KANSL1: variants seen among roughly 807,000 people sequenced by gnomAD.
KANSL1 encodes the protein MLL1/MLL complex subunit KANSL1.
KANSL1 carries 22 observed loss-of-function variants against 103.6 expected under a neutral mutation model. That is an observed-to-expected ratio of 0.21 (90% CI 0.15 to 0.30). KANSL1 has a LOEUF of 0.30. Among genes scored for constraint, KANSL1 ranks in the 10% least tolerant of loss-of-function variants. KANSL1 has a pLI of 1.00. For missense variants in KANSL1, 1,337 were observed against 1,399.8 expected (o/e 0.96, Z 0.72); for synonymous variants, 600 against 527.6 (o/e 1.14, Z -1.88).
In KANSL1 at chr17:46,208,917, T is replaced by C. The variant is rs1462902974; in HGVS notation, c.-90+14754A>G. Among the ~76,000 whole-genome samples, 4 of 150,774 alleles carry C rather than the reference T, an allele frequency of 2.7e-5. No homozygotes were observed. The East Asian group carries it at 8.0e-4, about 30-fold the overall frequency. ...CGGGCGCAGTGGCTCACGCCTGTAA[T>C]CCCAGCACTTTGGGAGGCCGAGTGG... On this transcript the variant is annotated intron_variant, in intron 1 of 14. Coordinates refer to the KANSL1 transcript ENST00000572904.
intron 4 of KANSL1, among the ~76,000 whole-genome samples, chr17:46,077,646 C>T (rs1011930498): frequency 1.3e-5 from 2 of 152,188 alleles, no homozygotes; most frequent in African/African-American, 4.8e-5. Flanking sequence ...CAACCTCTGT[C>T]TCCTGAGTTC....
intron 1 of KANSL1, among the ~76,000 whole-genome samples, chr17:46,217,835 G>A (rs2668648): frequency 4.6e-5 from 7 of 152,208 alleles, no homozygotes; most frequent in African/African-American, 1.7e-4. Flanking sequence ...GACCGGCCTG[G>A]GCAACATGGT....
intron 1 of KANSL1, among the ~76,000 whole-genome samples, chr17:46,190,621 A>T (rs1273470806): frequency 6.6e-6 from 1 of 152,258 alleles, no homozygotes; most frequent in East Asian, 1.9e-4. Context: ...TGAGGTGGCC[A>T]TCAGTGACAA....
chr17:46,166,938 C>G (rs2084687068), intron 2 of KANSL1, among the ~76,000 whole-genome samples: 1 of 150,152 alleles, frequency 6.7e-6, no homozygotes, highest in Admixed American at 6.7e-5. Context: ...TTTCAGTAAT[C>G]ACAATGAAAT....
chr17:46,094,582 T>TAAATGTCTGTTTGC lies in KANSL1; in HGVS notation c.1395_1408dup (p.Tyr470CysfsTer15). 6.2e-7 allele frequency: 1 copy of TAAATGTCTGTTTGC among 1,613,492 alleles called. No individual in the cohort carries two copies. Among genetic ancestry groups the TAAATGTCTGTTTGC allele is most frequent in the South Asian group, 1.1e-5 (1 of 91,052 alleles). ...TACCTTATTAGCACGTATCTGTTTG[T>TAAATGTCTGTTTGC]AAATGTCTGTTTGCTGACGAATTCG... is the stretch of plus-strand genomic sequence containing the variant. On this transcript the variant is annotated frameshift_variant, in exon 3 of 15. Transcript: ENST00000432791. LOFTEE classifies it high-confidence loss of function.
intron 2 of KANSL1, among the ~76,000 whole-genome samples, chr17:46,137,866 C>CA (rs368446805): frequency 0.084 from 7,707 of 92,062 alleles, 639 homozygotes; most frequent in African/African-American, 0.27. Context: ...GACTCTGTCT[C>CA]AAAAAAAAAA....
intron 4 of KANSL1, among the ~76,000 whole-genome samples, chr17:46,077,589 ACT>A (rs1254941502): frequency 6.6e-6 from 1 of 151,868 alleles, no homozygotes; most frequent in Non-Finnish European, 1.5e-5. Flanking sequence ...ACGGAGTCTC[ACT>A]CTGTTGCCCA....
chr17:46,119,117 G>C (rs994589737), intron 2 of KANSL1, among the ~76,000 whole-genome samples: 2 of 152,132 alleles, frequency 1.3e-5, no homozygotes, highest in African/African-American at 4.8e-5. Context: ...CCTTTGTTCC[G>C]GGCATTGTGC....
At chr17:46,214,344 C>T (rs1190214720) in intron 1 of KANSL1, among the ~76,000 whole-genome samples, 3 of 152,172 alleles carry the variant, frequency 2.0e-5, no homozygotes, top group African/African-American at 4.8e-5. Context: ...CACTCATTTA[C>T]TAAGTGCCAT....
intron 1 of KANSL1, among the ~76,000 whole-genome samples, chr17:46,216,125 G>T (rs1410949309): frequency 6.6e-6 from 1 of 152,194 alleles, no homozygotes; most frequent in Non-Finnish European, 1.5e-5. Context: ...TGTGTATATG[G>T]GATTGGAGAT....
rs1184551498 is a variant in KANSL1, at chr17:46,032,082, G to A, written c.3055C>T (p.Arg1019Cys). The A allele has an allele frequency of 5.6e-6, 9 of 1,614,174 alleles. No homozygotes were observed. The highest frequency in any genetic ancestry group is 4.0e-5 in the African/African-American group (3 of 75,036). Residue 1019 changes from arginine (R) to cysteine (C), a missense_variant, in exon 14 of 15, where the codon CGT (arginine) becomes TGT (cysteine). Around this residue, in one of 2 missense-constraint regions of KANSL1, gnomAD observed 780 missense variants for 923.4 expected, o/e 0.84. Coordinates refer to ENST00000432791, the MANE Select transcript of KANSL1 (RefSeq NM_015443.4). ...TPRHLASEDT[R>C]CSTPELGLDE... The stretch of plus-strand genomic sequence containing the variant: ...AGCCCCAGCTCTGGTGTGGAACAAC[G>A]GGTATCCTCACTGGCTAAGTGTCGC...
At position 46,100,882 on chromosome 17, in the gene KANSL1, T is replaced by C. The variant is rs529125014; in HGVS notation, c.1290-6181A>G. Among the ~76,000 whole-genome samples, 25 of 152,352 alleles carry C rather than the reference T, an allele frequency of 1.6e-4. No homozygotes were observed. The South Asian group carries it at 3.7e-3, about 23-fold the overall frequency. ...AACCCGAATGGTGGTAATTTCAACT[T>C]TGATTCTGATTTCAGTCCCATCTCG... On this transcript the variant is annotated intron_variant, in intron 2 of 14. Coordinates refer to ENST00000432791, the MANE Select transcript of KANSL1 (RefSeq NM_015443.4).
intron 1 of KANSL1, among the ~76,000 whole-genome samples, chr17:46,216,598 C>CAAAAAAA (rs72237062): frequency 1.2e-5 from 1 of 83,746 alleles, no homozygotes. Context: ...GACTCCGTCT[C>CAAAAAAA]AAAAAAAAAA....
At chr17:46,152,267 C>T (rs936405598) in intron 2 of KANSL1, among the ~76,000 whole-genome samples, 15 of 152,214 alleles carry the variant, frequency 9.9e-5, no homozygotes, top group Non-Finnish European at 2.9e-5. Flanking sequence ...CACTTAAATA[C>T]TAACCTGACA....
intron 2 of KANSL1, among the ~76,000 whole-genome samples, chr17:46,161,105 G>A (rs928005104): frequency 2.6e-5 from 4 of 152,078 alleles, no homozygotes; most frequent in Non-Finnish European, 5.9e-5. Flanking sequence ...TGTCTGCTTA[G>A]GCAAAGTTGG....
chr17:46,219,459 C>A, intron 1 of KANSL1, among the ~76,000 whole-genome samples: 1 of 152,320 alleles, frequency 6.6e-6, no homozygotes, highest in South Asian at 2.1e-4. Flanking sequence ...ACCTCCCAGG[C>A]TCGAGCCATC....
chr17:46,203,950 G>C (rs1297526201), intron 1 of KANSL1, among the ~76,000 whole-genome samples: 1 of 150,506 alleles, frequency 6.6e-6, no homozygotes, highest in Non-Finnish European at 1.5e-5. Context: ...CTGAGGTGGA[G>C]AGACTACTTG....
chr17:46,112,728 T>TTATTTATTTTATTTTTA (rs1415654447), intron 2 of KANSL1, among the ~76,000 whole-genome samples: 1 of 150,992 alleles, frequency 6.6e-6, no homozygotes, highest in Non-Finnish European at 1.5e-5. Context: ...AGATAAATTT[T>TTATTTATTTTATTTTTA]TTTTTTTTTT....
chr17:46,145,873 C>T (rs1435215377), intron 2 of KANSL1, among the ~76,000 whole-genome samples: 1 of 152,120 alleles, frequency 6.6e-6, no homozygotes, highest in African/African-American at 2.4e-5. Flanking sequence ...GGATTACAGG[C>T]GTCGACCATG....
Sources: allele counts gnomAD v4.1 joint callset (sites outside exome capture counted in the v4.1 genomes callset), GRCh38; gene constraint gnomAD v4.1.1; regional missense constraint gnomAD v4.1.1; transcripts MANE v1.5; gene names NCBI Gene and HGNC (gene_info 2026-07-23, HGNC 2026-07-21).